MARCO: variants seen among roughly 807,000 people sequenced by gnomAD.
The protein encoded by MARCO is macrophage receptor with collagenous structure, also known as macrophage receptor MARCO.
Under a neutral mutation model 70.0 loss-of-function variants are expected in MARCO, and 72 were observed. That is an observed-to-expected ratio of 1.03 (90% CI 0.85 to 1.25). MARCO has a LOEUF of 1.25. Ranked by LOEUF, MARCO falls within the 50% of genes most tolerant of loss-of-function variation. MARCO has a pLI of 0.00. For synonymous variants in MARCO, 273 were observed against 243.1 expected (o/e 1.12, Z -1.14); for missense variants, 696 against 659.3 (o/e 1.06, Z -0.61).
chr2:118,967,584 G>A (rs1680077284), intron 1 of MARCO, among the ~76,000 whole-genome samples: 2 of 152,092 alleles, frequency 1.3e-5, no homozygotes, highest in Non-Finnish European at 2.9e-5. Context: ...GCTAAACTGA[G>A]TATAATCGAG....
intron 6 of MARCO, 119 bp from the exon 7 acceptor site, chr2:118,977,352 G>A (rs1252313649): frequency 2.5e-6 from 2 of 813,618 alleles, no homozygotes; most frequent in African/African-American, 1.7e-5. Context: ...GTGAGAGAGA[G>A]AGAAAGATCT....
At chr2:118,972,125 C>T (rs931202321) in intron 4 of MARCO, among the ~76,000 whole-genome samples, 3 of 152,266 alleles carry the variant, frequency 2.0e-5, no homozygotes, top group Admixed American at 1.3e-4. Flanking sequence ...ATCGACTCGC[C>T]TCACAGAGTT....
chr2:118,964,661 G>C (rs1680010094), intron 1 of MARCO, among the ~76,000 whole-genome samples: 1 of 152,096 alleles, frequency 6.6e-6, no homozygotes, highest in Non-Finnish European at 1.5e-5. Context: ...GCTGAGGTGG[G>C]CGGATCTCTT....
intron 1 of MARCO, among the ~76,000 whole-genome samples, chr2:118,945,995 G>C (rs530841282): frequency 1.3e-5 from 2 of 152,248 alleles, no homozygotes; most frequent in African/African-American, 4.8e-5. Context: ...ATTATTTCAT[G>C]TCATTGTTCT....
At chr2:118,973,439 C>T (rs916078444) in intron 4 of MARCO, among the ~76,000 whole-genome samples, 1 of 152,126 alleles carries the variant, frequency 6.6e-6, no homozygotes, top group African/African-American at 2.4e-5. Context: ...TGCCCAGAAA[C>T]CAGAGACAGG....
chr2:118,992,973 TA>T, intron 15 of MARCO, 150 bp from the exon 16 acceptor site: 3 of 729,404 alleles, frequency 4.1e-6, no homozygotes, highest in South Asian at 1.9e-5. Context: ...GTTGGCACTG[TA>T]AAGTGGGATC....
Position 118,992,492 on chromosome 2 carries a change from AT to A in MARCO, c.1252+18del, listed in dbSNP as rs1558674863. The A allele has an allele frequency of 6.3e-7, 1 of 1,595,604 alleles. No homozygotes were observed. The highest frequency in any genetic ancestry group is 2.2e-5 in the East Asian group (1 of 44,796). ...GGTGAAAGAGGTAATCACTATTTAT[AT>A]TATCTTTAATGTGTGCTTTAAAGTC... On this transcript the variant is annotated intron_variant, in intron 15 of 16. Transcript: ENST00000327097.
intron 1 of MARCO, among the ~76,000 whole-genome samples, chr2:118,948,653 T>C (rs1679650336): frequency 6.6e-6 from 1 of 152,252 alleles, no homozygotes; most frequent in African/African-American, 2.4e-5. Flanking sequence ...CAATCCCTCC[T>C]CTTTTACTTT....
At chr2:118,979,092 T>C (rs1489968612) in intron 8 of MARCO, among the ~76,000 whole-genome samples, 1 of 152,232 alleles carries the variant, frequency 6.6e-6, no homozygotes, top group African/African-American at 2.4e-5. Flanking sequence ...CCACTGTACC[T>C]GGCACATGGG....
At chr2:118,990,559 T>TGGG in intron 12 of MARCO, 30 bp from the exon 13 acceptor site, 1 of 1,308,818 alleles carries the variant, frequency 7.6e-7, no homozygotes, top group Non-Finnish European at 1.1e-6. Context: ...TATTATCTCC[T>TGGG]CCCCCCCCCC....
At chr2:118,966,634 C>A (rs1332813283) in intron 1 of MARCO, among the ~76,000 whole-genome samples, 1 of 152,156 alleles carries the variant, frequency 6.6e-6, no homozygotes, top group Non-Finnish European at 1.5e-5. Context: ...TATTTTTTCT[C>A]ATTGTATCCT....
intron 1 of MARCO, among the ~76,000 whole-genome samples, chr2:118,952,103 C>T (rs1442830574): frequency 6.6e-6 from 1 of 151,936 alleles, no homozygotes; most frequent in African/African-American, 2.4e-5. Context: ...CCTTTCTTAC[C>T]TCTTTCAGGG....
At chr2:118,954,781 G>A (rs1409535360) in intron 1 of MARCO, among the ~76,000 whole-genome samples, 1 of 152,174 alleles carries the variant, frequency 6.6e-6, no homozygotes, top group African/African-American at 2.4e-5. Context: ...CTGGAGCTGG[G>A]TAAAGTTGCT....
rs1214019528 is a variant in MARCO at position 118,969,168 on chromosome 2, C to G, written c.106C>G (p.Pro36Ala). The G allele has an allele frequency of 1.2e-6, 2 of 1,613,178 alleles. No homozygotes were observed. The highest frequency in any genetic ancestry group is 2.7e-5 in the African/African-American group (2 of 74,928). ...MEPFEINVPK[P>A]KRRNGVNFSL... ...CCTGGCTTGTGTTTCAGTTCCAAAG[C>G]CCAAGAGGAGAAATGGGGTGAACTT... Residue 36 changes from proline (P) to alanine (A), a missense_variant, in exon 2 of 17, where the codon CCC becomes GCC. By Grantham distance (27) the Pro-to-Ala change is conservative (BLOSUM62 -1). Coordinates refer to ENST00000327097, the MANE Select transcript of MARCO (RefSeq NM_006770.4).
chr2:118,971,360 T>A, intron 3 of MARCO, 139 bp from the exon 4 acceptor site: 1 of 820,044 alleles, frequency 1.2e-6, no homozygotes, highest in Non-Finnish European at 2.1e-6. Flanking sequence ...TGGCTCCTGT[T>A]GTCCAAACCC....
At chr2:118,973,586 C>T (rs375132494) in intron 4 of MARCO, among the ~76,000 whole-genome samples, 1 of 152,140 alleles carries the variant, frequency 6.6e-6, no homozygotes, top group South Asian at 2.1e-4. Flanking sequence ...GCTTGCCTTG[C>T]CTGGTCAAGA....
rs57609315 is a variant in MARCO at position 118,973,563 on chromosome 2, C to T, written c.461-770C>T. On this transcript the variant is annotated intron_variant, in intron 4 of 16. Transcript: ENST00000327097. The stretch of plus-strand genomic sequence containing the variant: ...CCCACCCAGGGAGGCTGTGTTCTCT[C>T]CCCTTCCCCATGGCTTGCCTTGCCT... 3.3e-5 allele frequency among the ~76,000 whole-genome samples: 5 copies of T among 152,330 alleles called. No individual in the cohort carries two copies. In the East Asian group the frequency reaches 9.7e-4, roughly 29 times the overall value.
At chr2:118,953,975 G>A (rs532525158) in intron 1 of MARCO, among the ~76,000 whole-genome samples, 1 of 152,314 alleles carries the variant, frequency 6.6e-6, no homozygotes, top group African/African-American at 2.4e-5. Context: ...CCATCAGGAA[G>A]GTGGCCAGAG....
At chr2:118,955,660 C>A (rs1027654779) in intron 1 of MARCO, among the ~76,000 whole-genome samples, 3 of 152,144 alleles carry the variant, frequency 2.0e-5, no homozygotes, top group African/African-American at 7.2e-5. Context: ...ATCAGGTTAT[C>A]TAAAGTTAAG....
Sources: allele counts gnomAD v4.1 joint callset (sites outside exome capture counted in the v4.1 genomes callset), GRCh38; gene constraint gnomAD v4.1.1; transcripts MANE v1.5; gene names NCBI Gene and HGNC (gene_info 2026-07-23, HGNC 2026-07-21).